The following MYO1E variants were observed in gnomAD, a reference collection of about 807,000 sequenced individuals.
MYO1E encodes unconventional myosin-Ie.
In MYO1E, 68 loss-of-function variants were observed where a neutral mutation model predicts 151.1. The observed-to-expected ratio is 0.45, with a 90% CI of 0.37 to 0.55. The LOEUF is 0.55. MYO1E is among the 20% of genes least tolerant of loss of function. MYO1E has a pLI of 0.00. For missense variants in MYO1E, 1,363 were observed against 1,389.3 expected, an observed-to-expected ratio of 0.98 and a Z score of 0.30; for synonymous variants, 601 against 501.7, an observed-to-expected ratio of 1.20 and a Z score of -2.64.
At position 59,202,358 on chromosome 15, in the gene MYO1E, C is replaced by G; in HGVS notation, c.1666G>C (p.Gly556Arg). 1 of 1,614,112 alleles carries G rather than the reference C, an allele frequency of 6.2e-7. No homozygotes were observed. Among genetic ancestry groups the G allele is most frequent in the Non-Finnish European group, 8.5e-7 (1 of 1,179,974 alleles). Reference protein sequence around the residue: ...FPENLQADKKGRPTTAGSKIK... With the variant: ...FPENLQADKKRRPTTAGSKIK... ...TTGCTTCCGGCAGTAGTTGGGCGCC[C>G]TTTCTTGTCAGCCTGCAGATTTTCC... The change falls in exon 16 of 28, where the codon GGG (glycine) becomes CGG (arginine). Residue 556 changes from glycine to arginine, a missense_variant. Gly to Arg is a moderately radical substitution (Grantham distance 125). Coordinates refer to ENST00000288235, the MANE Select transcript of MYO1E (RefSeq NM_004998.4).
chr15:59,203,610 G>A (rs1363150367), intron 15 of MYO1E, among the ~76,000 whole-genome samples: 2 of 152,084 alleles, frequency 1.3e-5, no homozygotes, highest in Non-Finnish European at 1.5e-5. Context: ...TCTTGACCTC[G>A]TGATCCACCC....
At position 59,202,809 on chromosome 15, in the gene MYO1E, A is replaced by G. The variant is rs1401513448; in HGVS notation, c.1617-402T>C. 2.6e-5 allele frequency among the ~76,000 whole-genome samples: 4 copies of G among 152,126 alleles called. No homozygotes were observed. The East Asian group carries it at 7.7e-4, about 29-fold the overall frequency. On this transcript the variant is annotated intron_variant, in intron 15 of 27. Coordinates refer to ENST00000288235, the MANE Select transcript of MYO1E (RefSeq NM_004998.4). ...CAGGTTGGAGCGCAGGGGTTCAATC[A>G]TGGCTCACTGCAGCCTCGACCTCCC...
rs755130289 is a variant in MYO1E, at chr15:59,256,396, A to T, written c.238-18T>A. 5.4e-5 allele frequency: 74 copies of T among 1,380,700 alleles called. No homozygotes were observed. Among genetic ancestry groups the T allele is most frequent in the Non-Finnish European group, 6.8e-5 (67 of 988,318 alleles). 85.5% of individuals were successfully genotyped at this position (1,380,700 alleles called of 1,614,324 possible). Reference sequence around the variant, plus strand: ...TACTGTGCCTAGAAAAGCAAAAAATAATAATACATAAATAATAATAAAAAT... The same window carrying T: ...TACTGTGCCTAGAAAAGCAAAAAATTATAATACATAAATAATAATAAAAAT... On this transcript the variant is annotated intron_variant, in intron 3 of 27. Coordinates refer to ENST00000288235, the MANE Select transcript of MYO1E (RefSeq NM_004998.4).
At chr15:59,243,344 G>C (rs1378239596) in intron 4 of MYO1E, among the ~76,000 whole-genome samples, 1 of 152,132 alleles carries the variant, frequency 6.6e-6, no homozygotes, top group Non-Finnish European at 1.5e-5. Flanking sequence ...ATGATAATTG[G>C]AGGTACGATG....
chr15:59,286,584 AG>A (rs1347590571), intron 1 of MYO1E, among the ~76,000 whole-genome samples: 4 of 149,324 alleles, frequency 2.7e-5, no homozygotes, highest in African/African-American at 1.0e-4. Flanking sequence ...GGATGTGATC[AG>A]GGGTGTCTTG....
chr15:59,250,678 C>T (rs1218940452), intron 4 of MYO1E, among the ~76,000 whole-genome samples: 1 of 152,074 alleles, frequency 6.6e-6, no homozygotes, highest in Non-Finnish European at 1.5e-5. Context: ...CCTGGGGAGC[C>T]CTGAACATGC....
intron 1 of MYO1E, among the ~76,000 whole-genome samples, chr15:59,307,867 C>G (rs1192570084): frequency 6.6e-6 from 1 of 151,736 alleles, no homozygotes; most frequent in East Asian, 2.0e-4. Flanking sequence ...GCCTCAGCCT[C>G]CCAAAGTGCT....
intron 1 of MYO1E, among the ~76,000 whole-genome samples, chr15:59,330,617 T>C (rs1321010549): frequency 1.3e-5 from 2 of 152,204 alleles, no homozygotes; most frequent in Non-Finnish European, 1.5e-5. Context: ...CTATCCTTGA[T>C]TCAACTTGCA....
At chr15:59,244,345 A>G (rs909362055) in intron 4 of MYO1E, among the ~76,000 whole-genome samples, 5 of 152,248 alleles carry the variant, frequency 3.3e-5, no homozygotes, top group Middle Eastern at 3.2e-3. Context: ...CAGCTCTGAA[A>G]TTCCTTTGAA....
At chr15:59,331,711 G>A (rs1202494875) in intron 1 of MYO1E, among the ~76,000 whole-genome samples, 1 of 152,112 alleles carries the variant, frequency 6.6e-6, no homozygotes, top group African/African-American at 2.4e-5. Context: ...TAGGTTAACA[G>A]GTCAGTAGCA....
At chr15:59,293,794 G>C (rs2080433748) in intron 1 of MYO1E, among the ~76,000 whole-genome samples, 2 of 152,082 alleles carry the variant, frequency 1.3e-5, no homozygotes, top group Non-Finnish European at 1.5e-5. Context: ...TGTAATCCCA[G>C]CACTTTGAGA....
At chr15:59,362,936 T>A (rs1292890069) in intron 1 of MYO1E, among the ~76,000 whole-genome samples, 5 of 152,036 alleles carry the variant, frequency 3.3e-5, no homozygotes, top group African/African-American at 1.2e-4. Context: ...CTATTTTTTT[T>A]AATCCTAGTT....
chr15:59,268,567 C>A (rs923903086), intron 2 of MYO1E, among the ~76,000 whole-genome samples: 3 of 151,822 alleles, frequency 2.0e-5, no homozygotes, highest in Non-Finnish European at 4.4e-5. Context: ...ATGCAGAAAA[C>A]CAAGAAATAC....
chr15:59,201,073 A>G (rs2079798483), intron 16 of MYO1E, among the ~76,000 whole-genome samples: 1 of 151,986 alleles, frequency 6.6e-6, no homozygotes, highest in South Asian at 2.1e-4. Flanking sequence ...TATTTCTTAG[A>G]GTTACATGAT....
intron 1 of MYO1E, among the ~76,000 whole-genome samples, chr15:59,353,725 C>G (rs2080837804): frequency 6.6e-6 from 1 of 150,488 alleles, no homozygotes; most frequent in African/African-American, 2.4e-5. Context: ...CCATTGCACC[C>G]CAGCTTGAGC....
In MYO1E at chr15:59,364,638, G is replaced by A. The variant is rs141400153; in HGVS notation, c.3+7860C>T. On this transcript the variant is annotated intron_variant, in intron 1 of 27. Coordinates refer to ENST00000288235, the MANE Select transcript of MYO1E (RefSeq NM_004998.4). ...AACAATGTGTTTGAGGCCCGGTGTG[G>A]TGGCTCATGCCTATAATCCCAGCAC... 1.2e-3 allele frequency among the ~76,000 whole-genome samples: 182 copies of A among 152,316 alleles called. 1 individual carries two copies. Among genetic ancestry groups the A allele is most frequent in the African/African-American group, 4.0e-3 (165 of 41,588 alleles).
chr15:59,243,762 G>A (rs1419246736), intron 4 of MYO1E, among the ~76,000 whole-genome samples: 6 of 152,010 alleles, frequency 3.9e-5, no homozygotes, highest in Non-Finnish European at 8.8e-5. Flanking sequence ...ATTACCTCAC[G>A]CAGAGTTGGA....
At chr15:59,262,208 CA>C (rs34250993) in intron 2 of MYO1E, among the ~76,000 whole-genome samples, 7 of 141,074 alleles carry the variant, frequency 5.0e-5, no homozygotes, top group Non-Finnish European at 7.8e-5. Flanking sequence ...CTCTTGTCTC[CA>C]AAAAAAAAAT....
Position 59,217,932 on chromosome 15 carries a change from C to A in MYO1E, c.1066G>T (p.Ala356Ser), listed in dbSNP as rs748877847. 2 of 1,614,180 alleles carry A rather than the reference C, an allele frequency of 1.2e-6. No individual in the cohort carries two copies. Among genetic ancestry groups the A allele is most frequent in the Non-Finnish European group, 8.5e-7 (1 of 1,180,030 alleles). ...AAGACCCGGGCGTGCAGGGCCTTGG[C>A]GAGCGCATCCCGGGTGTAACAGGCC... ...EQACYTRDAL[A>S]KALHARVFDF... Residue 356 changes from alanine to serine, a missense_variant, in exon 10 of 28, where the codon GCC (alanine) becomes TCC (serine). Transcript: ENST00000288235.
Sources: gnomAD v4.1 joint callset for allele counts (sites outside exome capture counted in the v4.1 genomes callset) on GRCh38, gnomAD v4.1.1 for gene constraint, MANE v1.5 for transcripts, NCBI Gene and HGNC (gene_info 2026-07-23, HGNC 2026-07-21) for gene names.